The following FUT9 variants were observed in gnomAD, a reference collection of about 807,000 sequenced individuals.
FUT9 encodes the protein fucosyltransferase 9.
FUT9 carries 15 observed loss-of-function variants against 29.7 expected under a neutral mutation model. The ratio of observed to expected loss-of-function variants is 0.51; its 90% CI spans 0.34 to 0.78. The LOEUF is 0.78. Ranked by LOEUF, FUT9 falls within the 30% of genes least tolerant of loss-of-function variation. The pLI is 0.01. For missense variants in FUT9, 319 were observed against 425.4 expected, an observed-to-expected ratio of 0.75 and a Z score of 2.20; for synonymous variants, 169 against 153.7, an observed-to-expected ratio of 1.10 and a Z score of -0.74.
Position 96,203,332 on chromosome 6 carries a change from T to A in FUT9, c.177T>A (p.Asp59Glu). The change falls in exon 3 of 3, where the codon GAT becomes GAA. Residue 59 changes from aspartate to glutamate, a missense_variant. Physicochemically the swap from Asp to Glu is conservative, Grantham distance 45. Transcript: ENST00000302103. ...KMKNFFSTKT[D>E]YFNETTILVW... ...AAAACTTCTTTTCCACCAAAACTGATTATTTTAATGAAACTACTATTCTGG... is the reference window on the plus strand; with the variant it reads ...AAAACTTCTTTTCCACCAAAACTGAATATTTTAATGAAACTACTATTCTGG... 6.2e-7 allele frequency: 1 copy of A among 1,613,928 alleles called. No individual in the cohort carries two copies. Among genetic ancestry groups the A allele is most frequent in the Non-Finnish European group, 8.5e-7 (1 of 1,179,890 alleles).
At chr6:96,181,674 C>T (rs1348386565) in intron 2 of FUT9, among the ~76,000 whole-genome samples, 2 of 151,896 alleles carry the variant, frequency 1.3e-5, no homozygotes, top group Non-Finnish European at 1.5e-5. Flanking sequence ...TGAGAACATA[C>T]AATGTTTGGT....
intron 2 of FUT9, among the ~76,000 whole-genome samples, chr6:96,127,825 T>G (rs1772161399): frequency 6.6e-6 from 1 of 152,216 alleles, no homozygotes; most frequent in African/African-American, 2.4e-5. Context: ...GTGTATGTCT[T>G]CTTTTGAAAA....
At chr6:96,083,242 G>A (rs998518118) in intron 1 of FUT9, among the ~76,000 whole-genome samples, 1 of 152,012 alleles carries the variant, frequency 6.6e-6, no homozygotes, top group Non-Finnish European at 1.5e-5. Flanking sequence ...GAATGAAGAG[G>A]TGAGTCACAT....
rs1341647856 is a variant in FUT9, at chr6:96,172,032, A to G, written c.-8-31116A>G. Among the ~76,000 whole-genome samples, 6 of 152,154 alleles carry G rather than the reference A, an allele frequency of 3.9e-5. No individual in the cohort carries two copies. The East Asian group carries it at 1.2e-3, about 29-fold the overall frequency. ...TGGGAGACTTAAACCACAGAAATTT[A>G]TTTCTAAGAGTTCCAGGGGCTGGAA... On this transcript the variant is annotated intron_variant, in intron 2 of 2. Coordinates refer to ENST00000302103, the MANE Select transcript of FUT9 (RefSeq NM_006581.4).
chr6:96,152,635 T>C (rs931477839), intron 2 of FUT9, among the ~76,000 whole-genome samples: 4 of 152,184 alleles, frequency 2.6e-5, no homozygotes, highest in Admixed American at 2.6e-4. Flanking sequence ...CCATTTAAGA[T>C]AAAGGGACTG....
At chr6:96,185,669 G>A (rs776358689) in intron 2 of FUT9, among the ~76,000 whole-genome samples, 1 of 152,152 alleles carries the variant, frequency 6.6e-6, no homozygotes, top group African/African-American at 2.4e-5. Flanking sequence ...GGAGGGATCA[G>A]CCTTAGATGT....
chr6:96,166,642 A>G (rs1773021018), intron 2 of FUT9, among the ~76,000 whole-genome samples: 1 of 152,160 alleles, frequency 6.6e-6, no homozygotes. Flanking sequence ...ACAAAATGTG[A>G]TACTTATTAG....
intron 2 of FUT9, among the ~76,000 whole-genome samples, chr6:96,186,378 A>T (rs556577082): frequency 6.6e-6 from 1 of 152,088 alleles, no homozygotes; most frequent in East Asian, 1.9e-4. Context: ...ATTTGGTCTG[A>T]TGCAGAAACT....
At position 96,121,689 on chromosome 6, in the gene FUT9, T is replaced by G. The variant is rs1451052903; in HGVS notation, c.-9+7562T>G. 2.0e-5 allele frequency among the ~76,000 whole-genome samples: 3 copies of G among 152,196 alleles called. No homozygotes were observed. The East Asian group carries it at 5.8e-4, about 29-fold the overall frequency. On this transcript the variant is annotated intron_variant, in intron 2 of 2. Coordinates refer to ENST00000302103, the MANE Select transcript of FUT9 (RefSeq NM_006581.4). ...AAAAAATTAATCTTCTCTTTTACTTTGTATGTTCCACCATTCCTTTTTAAT... is the reference window on the plus strand; with the variant it reads ...AAAAAATTAATCTTCTCTTTTACTTGGTATGTTCCACCATTCCTTTTTAAT...
intron 2 of FUT9, among the ~76,000 whole-genome samples, chr6:96,179,807 C>T (rs1773273089): frequency 6.6e-6 from 1 of 151,956 alleles, no homozygotes; most frequent in Admixed American, 6.6e-5. Flanking sequence ...CAAAGTACAT[C>T]AGAGAAAATG....
chr6:96,196,360 T>A (rs1773624477), intron 2 of FUT9, among the ~76,000 whole-genome samples: 1 of 152,164 alleles, frequency 6.6e-6, no homozygotes, highest in Non-Finnish European at 1.5e-5. Context: ...TTGGGATTAA[T>A]GAAGAATGGA....
At chr6:96,057,750 A>G (rs772680434) in intron 1 of FUT9, among the ~76,000 whole-genome samples, 7 of 152,186 alleles carry the variant, frequency 4.6e-5, no homozygotes, top group East Asian at 1.9e-4. Context: ...AGAAAGCTCA[A>G]TAAGAGACAT....
intron 2 of FUT9, among the ~76,000 whole-genome samples, chr6:96,183,624 T>C (rs1167289255): frequency 6.6e-6 from 1 of 151,812 alleles, no homozygotes; most frequent in Non-Finnish European, 1.5e-5. Flanking sequence ...CCCCTCTATG[T>C]TGATTTTGTT....
chr6:96,039,659 CT>C (rs1360677524), intron 1 of FUT9, among the ~76,000 whole-genome samples: 1 of 152,226 alleles, frequency 6.6e-6, no homozygotes, highest in African/African-American at 2.4e-5. Context: ...CAAACCCGTA[CT>C]TTCCTATTAT....
chr6:96,096,800 T>C (rs1277718356), intron 1 of FUT9, among the ~76,000 whole-genome samples: 1 of 151,952 alleles, frequency 6.6e-6, no homozygotes, highest in Non-Finnish European at 1.5e-5. Flanking sequence ...CCAGCCCCTT[T>C]TTCTCCTTAC....
chr6:96,176,557 T>G (rs558035794), intron 2 of FUT9, among the ~76,000 whole-genome samples: 1 of 152,294 alleles, frequency 6.6e-6, no homozygotes, highest in African/African-American at 2.4e-5. Flanking sequence ...GCCACCAGGC[T>G]TATAGTTTGC....
chr6:96,131,197 A>G (rs900456177), intron 2 of FUT9, among the ~76,000 whole-genome samples: 2 of 152,158 alleles, frequency 1.3e-5, no homozygotes, highest in Non-Finnish European at 2.9e-5. Flanking sequence ...ATTTTCCAAA[A>G]TAAATGTTAT....
At chr6:96,157,225 T>A (rs138222672) in intron 2 of FUT9, among the ~76,000 whole-genome samples, 60 of 152,322 alleles carry the variant, frequency 3.9e-4, no homozygotes, top group African/African-American at 1.3e-3. Flanking sequence ...CGTTTTCTCT[T>A]GTAATTATGA....
At position 96,204,085 on chromosome 6, in the gene FUT9, G is replaced by A; in HGVS notation, c.930G>A (p.Lys310=). ...TGAAGGAAGTCGACAAAAACAATAA[G>A]TTATACCTTAGTTACTTTAACTGGA... The part of the protein sequence containing the change: ...KYLKEVDKNN[K]LYLSYFNWRK... Residue 310 remains lysine (K), a synonymous_variant, in exon 3 of 3, where the codon AAG becomes AAA. Transcript: ENST00000302103. 1.3e-6 allele frequency: 2 copies of A among 1,528,894 alleles called. No individual in the cohort carries two copies. The highest frequency in any genetic ancestry group is 2.6e-5 in the South Asian group (2 of 75,980). 94.7% of individuals were successfully genotyped at this position (1,528,894 alleles called of 1,614,324 possible). A position where few individuals can be genotyped will look rare whatever the true frequency, so the allele number is the denominator to read the frequency against.
Sources: allele counts gnomAD v4.1 joint callset (sites outside exome capture counted in the v4.1 genomes callset), GRCh38; gene constraint gnomAD v4.1.1; transcripts MANE v1.5; gene names NCBI Gene and HGNC (gene_info 2026-07-23, HGNC 2026-07-21).